The following TPGS2 variants were observed in gnomAD, a reference collection of about 807,000 sequenced individuals.
TPGS2 encodes the protein polyglutamylase subunit 2.
A neutral mutation model predicts 31.1 loss-of-function variants in TPGS2; 26 were observed. The observed-to-expected ratio is 0.84, with a 90% CI of 0.61 to 1.16. The LOEUF (loss-of-function observed/expected upper bound fraction) is 1.16. Ranked by LOEUF, TPGS2 falls within the 50% of genes most tolerant of loss-of-function variation. The probability of loss-of-function intolerance (pLI) is 0.00; values close to 1 mark genes in which losing one functional copy is unlikely to be tolerated. For synonymous variants in TPGS2, 130 were observed against 136.6 expected (o/e 0.95, Z 0.34); for missense variants, 351 against 363.8 (o/e 0.96, Z 0.29).
intron 1 of TPGS2, 23 bp downstream of exon 1, chr18:36,828,660 G>A: frequency 6.2e-7 from 1 of 1,613,380 alleles, no homozygotes; most frequent in South Asian, 1.1e-5. Flanking sequence ...ACACCCTCTC[G>A]GCACCGTGCC....
Position 36,798,493 on chromosome 18 carries a change from A to G in TPGS2, c.613T>C (p.Trp205Arg). 1 of 1,614,216 alleles carries G rather than the reference A, an allele frequency of 6.2e-7. No individual in the cohort carries two copies. Among genetic ancestry groups the G allele is most frequent in the Non-Finnish European group, 8.5e-7 (1 of 1,180,032 alleles). ...LLITHLGLPQ[W>R]QYAFTSYGIS... is the part of the protein sequence containing the mutation. ...CCATAGCTGGTGAAGGCATATTGCC[A>G]CTGGGGCAGGCCCAGGTGGGTGATG... Residue 205 changes from tryptophan to arginine, a missense_variant, in exon 6 of 7, where the codon TGG (tryptophan) becomes CGG (arginine). Coordinates refer to ENST00000334295, the MANE Select transcript of TPGS2 (RefSeq NM_015476.4).
chr18:36,823,860 A>C, intron 1 of TPGS2: 1 of 985,390 alleles, frequency 1.0e-6, no homozygotes, highest in Non-Finnish European at 1.2e-6. Flanking sequence ...GTATCTCATC[A>C]TCTTCACAGT....
intron 5 of TPGS2, among the ~76,000 whole-genome samples, chr18:36,798,933 C>G (rs74471087): frequency 6.6e-6 from 1 of 152,276 alleles, no homozygotes; most frequent in Non-Finnish European, 1.5e-5. Context: ...TCCCCTCCCC[C>G]GGTAGGGGGG....
chr18:36,787,329 T>C (rs1306824522), intron 6 of TPGS2, among the ~76,000 whole-genome samples: 1 of 152,194 alleles, frequency 6.6e-6, no homozygotes, highest in Non-Finnish European at 1.5e-5. Context: ...AAAAATTTTG[T>C]TTCCCTTCAG....
chr18:36,790,749 A>T (rs2044282496), downstream of TPGS2, among the ~76,000 whole-genome samples: 1 of 152,120 alleles, frequency 6.6e-6, no homozygotes, highest in African/African-American at 2.4e-5. Flanking sequence ...AATTAACAGC[A>T]TTTTTACTTT....
At chr18:36,784,772 A>G (rs994757652) in intron 6 of TPGS2, among the ~76,000 whole-genome samples, 2 of 152,248 alleles carry the variant, frequency 1.3e-5, no homozygotes, top group African/African-American at 2.4e-5. Flanking sequence ...ATGACAGAAG[A>G]TAAGACGTGA....
downstream of TPGS2, among the ~76,000 whole-genome samples, chr18:36,782,761 C>A (rs1600707501): frequency 6.6e-6 from 1 of 152,200 alleles, no homozygotes; most frequent in Admixed American, 6.5e-5. Context: ...GACATCTCTG[C>A]CGCTTCCTTG....
In TPGS2 at chr18:36,798,624, A is replaced by G. The variant is rs2044648747; in HGVS notation, c.497-15T>C. 1.2e-6 allele frequency: 2 copies of G among 1,608,912 alleles called. No individual in the cohort carries two copies. The highest frequency in any genetic ancestry group is 8.5e-7 in the Non-Finnish European group (1 of 1,176,168). ...TTCTGCTAATGCTGAAGTAGAAGAC[A>G]AAGGAAGTAAAAGATAAAGAATAGC... On this transcript the variant is annotated splice_polypyrimidine_tract_variant and intron_variant, in intron 5 of 6. Transcript: ENST00000334295.
intron 1 of TPGS2, chr18:36,823,948 T>A: frequency 1.3e-6 from 1 of 745,966 alleles, no homozygotes; most frequent in Non-Finnish European, 1.6e-6. Flanking sequence ...GAGACATAAT[T>A]CGCATACCAT....
intron 6 of TPGS2, among the ~76,000 whole-genome samples, chr18:36,787,287 G>T (rs146395912): frequency 1.2e-3 from 178 of 152,224 alleles, no homozygotes; most frequent in Non-Finnish European, 2.0e-3. Context: ...CTAAGCAGAG[G>T]GTTTGGCTTT....
intron 1 of TPGS2, among the ~76,000 whole-genome samples, chr18:36,824,216 A>C (rs746242343): frequency 6.6e-6 from 1 of 152,160 alleles, no homozygotes; most frequent in Non-Finnish European, 1.5e-5. Context: ...TTATGGATGA[A>C]TTTTTTTGTT....
At chr18:36,818,828 C>A (rs2045772145) in intron 2 of TPGS2, 66 bp downstream of exon 2, 1 of 1,415,908 alleles carries the variant, frequency 7.1e-7, no homozygotes, top group Admixed American at 1.9e-5. Flanking sequence ...CCTAATCTTT[C>A]CTTCTCAGGG....
At chr18:36,808,062 C>T in intron 2 of TPGS2, 128 bp from the exon 3 acceptor site, 1 of 857,802 alleles carries the variant, frequency 1.2e-6, no homozygotes, top group Admixed American at 2.3e-5. Context: ...TGATAGTCAC[C>T]TACAAAACTC....
intron 1 of TPGS2, chr18:36,823,917 C>A: frequency 1.0e-6 from 1 of 957,262 alleles, no homozygotes. Flanking sequence ...TTTAGAATTC[C>A]TTTTTAAAAA....
intron 2 of TPGS2, among the ~76,000 whole-genome samples, chr18:36,815,428 G>A (rs2045608776): frequency 6.6e-6 from 1 of 152,050 alleles, no homozygotes; most frequent in African/African-American, 2.4e-5. Flanking sequence ...GAGTCCCTTT[G>A]AGAATCTGAA....
chr18:36,805,411 T>C lies in TPGS2; in HGVS notation c.345A>G (p.Ala115=), dbSNP rs1568011973. Residue 115 remains alanine, a synonymous_variant, in exon 4 of 7, where the codon GCA becomes GCG. Coordinates refer to ENST00000334295, the MANE Select transcript of TPGS2 (RefSeq NM_015476.4). ...CGTCCTCCAGGTCTGCCAGAGTGGG[T>C]GCATTAGGAAGTGAATACATGGAAG... ...TQSSMYSLPN[A]PTLADLEDDT... is the part of the protein sequence containing the mutation. 1 of 1,613,968 alleles carries C rather than the reference T, an allele frequency of 6.2e-7. No homozygotes were observed. Among genetic ancestry groups the C allele is most frequent in the Non-Finnish European group, 8.5e-7 (1 of 1,179,898 alleles).
At chr18:36,798,185 T>G in intron 6 of TPGS2, 2 of 1,301,268 alleles carry the variant, frequency 1.5e-6, no homozygotes, top group Non-Finnish European at 9.8e-7. Flanking sequence ...TCATGGGACA[T>G]AAACTATCCA....
At chr18:36,819,596 GAGCAGA>G (rs2150678816) in intron 1 of TPGS2, among the ~76,000 whole-genome samples, 1 of 152,304 alleles carries the variant, frequency 6.6e-6, no homozygotes, top group South Asian at 2.1e-4. Flanking sequence ...CTCTGAGGGA[GAGCAGA>G]AGCCACCTGG....
At chr18:36,808,059 C>A in intron 2 of TPGS2, 125 bp from the exon 3 acceptor site, 1 of 904,420 alleles carries the variant, frequency 1.1e-6, no homozygotes, top group Non-Finnish European at 1.7e-6. Context: ...CTCTGATAGT[C>A]ACCTACAAAA....
Sources: gnomAD v4.1 joint callset for allele counts (sites outside exome capture counted in the v4.1 genomes callset) on GRCh38, gnomAD v4.1.1 for gene constraint, MANE v1.5 for transcripts, NCBI Gene and HGNC (gene_info 2026-07-23, HGNC 2026-07-21) for gene names.